CCDC122: variants seen among roughly 807,000 people sequenced by gnomAD.
CCDC122 encodes coiled-coil domain-containing protein 122.
CCDC122 carries 38 observed loss-of-function variants against 37.0 expected under a neutral mutation model. That is an observed-to-expected ratio of 1.03 (90% CI 0.79 to 1.35). The LOEUF (loss-of-function observed/expected upper bound fraction) is 1.35. Among genes scored for constraint, CCDC122 ranks in the 40% most tolerant of loss-of-function variants. The pLI is 0.00. For synonymous variants in CCDC122, 83 were observed against 95.6 expected, an observed-to-expected ratio of 0.87 and a Z score of 0.77; for missense variants, 305 against 310.0, an observed-to-expected ratio of 0.98 and a Z score of 0.12.
At chr13:43,847,248 A>G (rs1953572497) in intron 6 of CCDC122, among the ~76,000 whole-genome samples, 1 of 152,224 alleles carries the variant, frequency 6.6e-6, no homozygotes, top group African/African-American at 2.4e-5. Context: ...CTACATTTAC[A>G]TAATATTCTT....
chr13:43,837,539 C>A, intron 6 of CCDC122, 110 bp from the exon 7 acceptor site: 1 of 827,110 alleles, frequency 1.2e-6, no homozygotes, highest in African/African-American at 1.8e-5. Context: ...TAGAAACTAT[C>A]CACTATAAAT....
intron 6 of CCDC122, among the ~76,000 whole-genome samples, chr13:43,857,331 T>C (rs565197437): frequency 6.6e-6 from 1 of 152,290 alleles, no homozygotes; most frequent in East Asian, 1.9e-4. Flanking sequence ...ATTTATGGCA[T>C]AGTCAAAACT....
chr13:43,878,408 G>T (rs900413663), intron 1 of CCDC122, among the ~76,000 whole-genome samples: 1 of 152,196 alleles, frequency 6.6e-6, no homozygotes, highest in African/African-American at 2.4e-5. Context: ...ACTGGTGCTA[G>T]GGTTATTGAA....
chr13:43,823,316 T>C (rs902195496), downstream of CCDC122, among the ~76,000 whole-genome samples: 1 of 152,018 alleles, frequency 6.6e-6, no homozygotes, highest in African/African-American at 2.4e-5. Context: ...GTATCCAAGA[T>C]TCAAGACAAC....
chr13:43,860,890 C>T (rs981431269), intron 4 of CCDC122, among the ~76,000 whole-genome samples: 2 of 152,200 alleles, frequency 1.3e-5, no homozygotes, highest in Non-Finnish European at 2.9e-5. Context: ...TTGAATGAAT[C>T]CTTTCTACAA....
chr13:43,850,514 A>G (rs1953690550), intron 6 of CCDC122, among the ~76,000 whole-genome samples: 1 of 152,240 alleles, frequency 6.6e-6, no homozygotes, highest in Admixed American at 6.5e-5. Context: ...TTTAAGAACT[A>G]AAAGGTACAA....
downstream of CCDC122, among the ~76,000 whole-genome samples, chr13:43,832,780 G>A (rs1331494900): frequency 6.6e-6 from 1 of 152,142 alleles, no homozygotes; most frequent in African/African-American, 2.4e-5. Context: ...CCTTGCCCCT[G>A]ATGAGCTGTG....
intron 2 of CCDC122, among the ~76,000 whole-genome samples, chr13:43,872,832 A>G (rs996431676): frequency 7.9e-5 from 12 of 152,020 alleles, no homozygotes; most frequent in African/African-American, 2.9e-4. Flanking sequence ...TTGACACCAT[A>G]ACCTCCTTCA....
chr13:43,865,936 C>T (rs534948006), intron 4 of CCDC122, among the ~76,000 whole-genome samples: 40 of 152,278 alleles, frequency 2.6e-4, no homozygotes, highest in Admixed American at 2.2e-3. Context: ...TTGCCAGCAT[C>T]ACTACGCTGA....
chr13:43,869,366 T>C lies in CCDC122; in HGVS notation c.11A>G (p.Asn4Ser). ...AAATCCTTGACTCTTCCTTTCTTTG[T>C]TGTCTGACATTTTCTGTGTCTGTAA... MSD[N>S]KERKSQGFPK... is the part of the protein sequence containing the mutation. The change falls in exon 3 of 7, where the codon AAC (asparagine) becomes AGC (serine). Residue 4 changes from asparagine to serine, a missense_variant. Coordinates refer to ENST00000444614, the MANE Select transcript of CCDC122 (RefSeq NM_144974.5). The C allele has an allele frequency of 1.2e-6, 2 of 1,608,330 alleles. No homozygotes were observed. The highest frequency in any genetic ancestry group is 1.7e-6 in the Non-Finnish European group (2 of 1,176,196).
Position 43,837,320 on chromosome 13 carries a change from G to GT in CCDC122, c.781dup (p.Thr261AsnfsTer18), listed in dbSNP as rs747448223. On this transcript the variant is annotated frameshift_variant, in exon 7 of 7. Coordinates refer to ENST00000444614, the MANE Select transcript of CCDC122 (RefSeq NM_144974.5). LOFTEE classifies it high-confidence loss of function. Reference sequence around the variant, plus strand: ...AATGCATTTTCTTAATTCGGCTGCAGTTTTTTCCAATTGTTGAATGTTCCA... The same window carrying GT: ...AATGCATTTTCTTAATTCGGCTGCAGTTTTTTTCCAATTGTTGAATGTTCCA... 2.5e-6 allele frequency: 4 copies of GT among 1,613,968 alleles called. No homozygotes were observed. The highest frequency in any genetic ancestry group is 3.4e-6 in the Non-Finnish European group (4 of 1,179,972).
Position 43,848,704 on chromosome 13 carries a change from C to A in CCDC122, c.672+10077G>T, listed in dbSNP as rs1029678165. On this transcript the variant is annotated intron_variant, in intron 6 of 6. Coordinates refer to ENST00000444614, the MANE Select transcript of CCDC122 (RefSeq NM_144974.5). ...AAAGCATTTACTTGACAGGAAAACA[C>A]TGATATTCAAAAAAACATTTTTTAT... 8 of 371,760 alleles carry A rather than the reference C, an allele frequency of 2.2e-5. No homozygotes were observed. In the South Asian group the frequency reaches 7.8e-4, roughly 36 times the overall value. 23.0% of individuals were successfully genotyped at this position (371,760 alleles called of 1,614,324 possible). A position where few individuals can be genotyped will look rare whatever the true frequency, so the allele number is the denominator to read the frequency against.
intron 2 of CCDC122, among the ~76,000 whole-genome samples, chr13:43,871,126 A>G (rs572225923): frequency 6.6e-6 from 1 of 152,284 alleles, no homozygotes; most frequent in African/African-American, 2.4e-5. Context: ...GGACCTGCAC[A>G]GTTCAAACCT....
At chr13:43,852,328 T>C (rs917104814) in intron 6 of CCDC122, among the ~76,000 whole-genome samples, 1 of 151,842 alleles carries the variant, frequency 6.6e-6, no homozygotes, top group African/African-American at 2.4e-5. Context: ...TACAAGAATT[T>C]CATAATGCTA....
At chr13:43,855,704 CAAAA>C (rs1252658601) in intron 6 of CCDC122, 2 of 147,272 alleles carry the variant, frequency 1.4e-5, no homozygotes, top group African/African-American at 2.5e-5. Context: ...AACAAACAAA[CAAAA>C]AACATGCTGA....
At chr13:43,849,094 A>T (rs1953640246) in intron 6 of CCDC122, 1 of 865,290 alleles carries the variant, frequency 1.2e-6, no homozygotes. Context: ...GTTGTGAAGA[A>T]TCTTTAAGTT....
chr13:43,843,956 T>C (rs546190203), intron 6 of CCDC122, among the ~76,000 whole-genome samples: 1 of 151,982 alleles, frequency 6.6e-6, no homozygotes, highest in African/African-American at 2.4e-5. Context: ...TCTTGATCAG[T>C]ATTGCTATGG....
downstream of CCDC122, among the ~76,000 whole-genome samples, chr13:43,819,472 C>T (rs1952979955): frequency 6.6e-6 from 1 of 152,054 alleles, no homozygotes; most frequent in African/African-American, 2.4e-5. Flanking sequence ...AATCCATGGA[C>T]ATCCATTAGA....
At chr13:43,820,358 C>T (rs1952984611), downstream of CCDC122, among the ~76,000 whole-genome samples, 4 of 152,020 alleles carry the variant, frequency 2.6e-5, no homozygotes, top group African/African-American at 9.7e-5. Context: ...GGTAAAGTAG[C>T]AGGTTTCAGG....
Sources: gnomAD v4.1 joint callset for allele counts (sites outside exome capture counted in the v4.1 genomes callset) on GRCh38, gnomAD v4.1.1 for gene constraint, MANE v1.5 for transcripts, NCBI Gene and HGNC (gene_info 2026-07-23, HGNC 2026-07-21) for gene names.